Variants in KCNIP1 observed in about 807,000 individuals in gnomAD.
KCNIP1 encodes A-type potassium channel modulatory protein KCNIP1.
A neutral mutation model predicts 33.0 loss-of-function variants in KCNIP1; 18 were observed. The observed-to-expected ratio is 0.55, with a 90% CI of 0.38 to 0.81. KCNIP1 has a LOEUF of 0.81. Among genes scored for constraint, KCNIP1 ranks in the 30% least tolerant of loss-of-function variants. The pLI is 0.00. For missense variants in KCNIP1, 238 were observed against 271.6 expected, an observed-to-expected ratio of 0.88 and a Z score of 0.87; for synonymous variants, 93 against 98.3, an observed-to-expected ratio of 0.95 and a Z score of 0.32.
At chr5:170,698,383 G>A (rs1262976175) in intron 1 of KCNIP1, among the ~76,000 whole-genome samples, 2 of 152,174 alleles carry the variant, frequency 1.3e-5, no homozygotes, top group African/African-American at 2.4e-5. Flanking sequence ...AAGAACATGG[G>A]CTTTGGCATC....
At chr5:170,643,076 G>A (rs928392213) in intron 1 of KCNIP1, among the ~76,000 whole-genome samples, 4 of 152,194 alleles carry the variant, frequency 2.6e-5, no homozygotes, top group Non-Finnish European at 4.4e-5. Context: ...TTATCCAGGT[G>A]GGTTCTAAAT....
intron 1 of KCNIP1, among the ~76,000 whole-genome samples, chr5:170,448,015 TG>T (rs1173895724): frequency 6.6e-6 from 1 of 152,036 alleles, no homozygotes; most frequent in Admixed American, 6.6e-5. Flanking sequence ...ACCCCAAATC[TG>T]GGCTCCCACA....
chr5:170,702,859 G>T (rs1258359823), intron 1 of KCNIP1, among the ~76,000 whole-genome samples: 2 of 150,896 alleles, frequency 1.3e-5, no homozygotes. Flanking sequence ...GTGAGATCAT[G>T]TAAGCAAAGT....
intron 1 of KCNIP1, among the ~76,000 whole-genome samples, chr5:170,519,615 G>A (rs1048021870): frequency 2.6e-5 from 4 of 152,162 alleles, no homozygotes; most frequent in Admixed American, 6.5e-5. Context: ...CTCCGAGGCA[G>A]CACAGGACAG....
At chr5:170,372,441 T>A (rs772677143) in intron 1 of KCNIP1, among the ~76,000 whole-genome samples, 2 of 152,152 alleles carry the variant, frequency 1.3e-5, no homozygotes, top group Non-Finnish European at 2.9e-5. Context: ...GTGATTAAAC[T>A]CAACCTCCAG....
At chr5:170,495,752 C>T (rs184289672) in intron 1 of KCNIP1, among the ~76,000 whole-genome samples, 17 of 152,278 alleles carry the variant, frequency 1.1e-4, no homozygotes, top group Admixed American at 4.6e-4. Context: ...CTCAAATGTG[C>T]GGCAGGTTGT....
intron 1 of KCNIP1, among the ~76,000 whole-genome samples, chr5:170,411,544 T>C (rs1287420345): frequency 6.6e-6 from 1 of 152,192 alleles, no homozygotes; most frequent in Non-Finnish European, 1.5e-5. Flanking sequence ...TGATGTCTAG[T>C]GGAATCCTAA....
At chr5:170,692,485 GATTGCAACAATAC>G (rs1483402532) in intron 1 of KCNIP1, among the ~76,000 whole-genome samples, 1 of 152,212 alleles carries the variant, frequency 6.6e-6, no homozygotes, top group African/African-American at 2.4e-5. Flanking sequence ...GATATTATGA[GATTGCAACAATAC>G]ATTGCAACAT....
intron 1 of KCNIP1, among the ~76,000 whole-genome samples, chr5:170,699,787 G>A (rs979615243): frequency 2.2e-4 from 34 of 152,054 alleles, no homozygotes; most frequent in African/African-American, 8.0e-4. Flanking sequence ...CCCATGACTT[G>A]TAGGGAGTCT....
intron 1 of KCNIP1, among the ~76,000 whole-genome samples, chr5:170,706,045 A>C (rs1252305809): frequency 6.6e-6 from 1 of 152,200 alleles, no homozygotes; most frequent in African/African-American, 2.4e-5. Context: ...ATCAATTCTA[A>C]AACTATTACC....
rs115269384 is a variant in KCNIP1, at chr5:170,691,531, G to A, written c.62-27227G>A. 3.5e-3 allele frequency among the ~76,000 whole-genome samples: 532 copies of A among 152,292 alleles called. 3 individuals are homozygous for A. Among genetic ancestry groups the A allele is most frequent in the African/African-American group, 0.012 (509 of 41,564 alleles). On this transcript the variant is annotated intron_variant, in intron 1 of 7. Coordinates refer to ENST00000328939, the MANE Select transcript of KCNIP1 (RefSeq NM_014592.4). ...AAAGTGGGGTAATATAACCCACCTTGCAGGATACTGGTAGGATTAGTTGAA... is the reference window on the plus strand; with the variant it reads ...AAAGTGGGGTAATATAACCCACCTTACAGGATACTGGTAGGATTAGTTGAA...
chr5:170,540,157 A>G (rs75275729), intron 1 of KCNIP1, among the ~76,000 whole-genome samples: 1,689 of 152,226 alleles, frequency 0.011, 32 homozygotes, highest in African/African-American at 0.038. Context: ...TTCCAGGGAA[A>G]TCATCTCACA....
At chr5:170,413,930 A>G (rs1177114833) in intron 1 of KCNIP1, among the ~76,000 whole-genome samples, 2 of 13,504 alleles carry the variant, frequency 1.5e-4, no homozygotes, top group Non-Finnish European at 2.6e-4. Flanking sequence ...GTGGAAGTTA[A>G]AAAAAAAAAA....
exon 1 of KCNIP1, chr5:170,353,893 A>C: frequency 6.2e-7 from 1 of 1,614,158 alleles, no homozygotes; most frequent in South Asian, 1.1e-5. Context: ...GGCTGCTCCA[A>C]AAGATGCAAG....
chr5:170,498,443 C>T (rs1460782763), intron 1 of KCNIP1, among the ~76,000 whole-genome samples: 1 of 152,120 alleles, frequency 6.6e-6, no homozygotes, highest in African/African-American at 2.4e-5. Flanking sequence ...TCTATATGTC[C>T]TATGTCATCA....
intron 1 of KCNIP1, among the ~76,000 whole-genome samples, chr5:170,431,573 T>G (rs186353671): frequency 1.3e-5 from 2 of 152,320 alleles, no homozygotes; most frequent in East Asian, 1.9e-4. Flanking sequence ...CACTTCAAGC[T>G]GTCACCTGGT....
chr5:170,498,179 G>A (rs948515522), intron 1 of KCNIP1, among the ~76,000 whole-genome samples: 3 of 152,200 alleles, frequency 2.0e-5, no homozygotes, highest in African/African-American at 7.2e-5. Context: ...GTGAGGCATG[G>A]AGTTTGTGTT....
chr5:170,620,590 C>G (rs1759563542), intron 1 of KCNIP1, among the ~76,000 whole-genome samples: 2 of 152,186 alleles, frequency 1.3e-5, no homozygotes, highest in African/African-American at 2.4e-5. Flanking sequence ...GTGCCTGATG[C>G]CTGCCTGATC....
chr5:170,375,999 C>T (rs1338070126), intron 1 of KCNIP1: 2 of 152,226 alleles, frequency 1.3e-5, no homozygotes, highest in Non-Finnish European at 2.9e-5. Context: ...TGCTTCTCAT[C>T]ATCTGTGAGG....
Sources: gnomAD v4.1 joint callset for allele counts (sites outside exome capture counted in the v4.1 genomes callset) on GRCh38, gnomAD v4.1.1 for gene constraint, MANE v1.5 for transcripts, NCBI Gene and HGNC (gene_info 2026-07-23, HGNC 2026-07-21) for gene names.